Variants in UVRAG observed in about 807,000 individuals in gnomAD.
UVRAG encodes UV radiation resistance-associated gene protein.
Under a neutral mutation model 78.0 loss-of-function variants are expected in UVRAG, and 19 were observed. That is an observed-to-expected ratio of 0.24 (90% CI 0.17 to 0.36). The LOEUF (loss-of-function observed/expected upper bound fraction) is 0.36, where lower values mean the gene tolerates loss of function less well. UVRAG is among the 10% of genes least tolerant of loss of function. The pLI, the probability that UVRAG is intolerant of heterozygous loss-of-function variation, is 1.00. For synonymous variants in UVRAG, 323 were observed against 324.6 expected, an observed-to-expected ratio of 1.00 and a Z score of 0.05; for missense variants, 740 against 853.8, an observed-to-expected ratio of 0.87 and a Z score of 1.66.
chr11:76,076,812 A>G (rs1263212224), intron 13 of UVRAG, among the ~76,000 whole-genome samples: 2 of 150,516 alleles, frequency 1.3e-5, no homozygotes, highest in East Asian at 3.9e-4. Flanking sequence ...GTATTTATTT[A>G]TTTATTTATT....
At chr11:76,022,585 T>C (rs1318074625) in intron 12 of UVRAG, among the ~76,000 whole-genome samples, 1 of 152,230 alleles carries the variant, frequency 6.6e-6, no homozygotes, top group African/African-American at 2.4e-5. Flanking sequence ...GATATTAGTA[T>C]GACCACCCCA....
chr11:76,069,953 C>T (rs1178926613), intron 13 of UVRAG, among the ~76,000 whole-genome samples: 1 of 152,118 alleles, frequency 6.6e-6, no homozygotes, highest in Non-Finnish European at 1.5e-5. Context: ...CATTAGCAAG[C>T]ACAATGCCAG....
chr11:75,851,744 G>A, intron 1 of UVRAG, 139 bp from the exon 2 acceptor site: 2 of 676,840 alleles, frequency 3.0e-6, no homozygotes, highest in Non-Finnish European at 5.2e-6. Context: ...GCATAAATAA[G>A]AGACTGGGTT....
At chr11:76,135,818 G>A (rs2134508444) in intron 14 of UVRAG, among the ~76,000 whole-genome samples, 1 of 152,202 alleles carries the variant, frequency 6.6e-6, no homozygotes, top group African/African-American at 2.4e-5. Flanking sequence ...GAACACACGG[G>A]GCCCCTTGGT....
At chr11:75,818,706 T>C (rs907859232) in intron 1 of UVRAG, among the ~76,000 whole-genome samples, 2 of 152,292 alleles carry the variant, frequency 1.3e-5, no homozygotes, top group African/African-American at 4.8e-5. Context: ...CTGGAACCCC[T>C]GTCCTTGTGA....
chr11:76,104,304 A>G (rs1012781916), intron 13 of UVRAG, among the ~76,000 whole-genome samples: 8 of 152,198 alleles, frequency 5.3e-5, no homozygotes, highest in Admixed American at 5.2e-4. Context: ...CATTATCATC[A>G]TCGTTCTTAA....
At chr11:75,988,282 C>G (rs1159235526) in intron 8 of UVRAG, among the ~76,000 whole-genome samples, 2 of 152,326 alleles carry the variant, frequency 1.3e-5, no homozygotes, top group East Asian at 3.9e-4. Flanking sequence ...GTTCTTTCCT[C>G]CATCGTTTGA....
intron 6 of UVRAG, among the ~76,000 whole-genome samples, chr11:75,950,129 AT>A (rs1203241516): frequency 3.5e-4 from 53 of 152,294 alleles, no homozygotes; most frequent in African/African-American, 1.2e-3. Flanking sequence ...CTATGAATAT[AT>A]TACAGTTTGC....
chr11:76,088,487 C>T (rs1951634157), intron 13 of UVRAG, among the ~76,000 whole-genome samples: 1 of 150,704 alleles, frequency 6.6e-6, no homozygotes, highest in Non-Finnish European at 1.5e-5. Context: ...CACTTCCGCC[C>T]ACCCGCGCCC....
At chr11:75,827,068 A>C (rs985864566) in intron 1 of UVRAG, among the ~76,000 whole-genome samples, 1 of 152,350 alleles carries the variant, frequency 6.6e-6, no homozygotes, top group East Asian at 1.9e-4. Flanking sequence ...GAACACCAGG[A>C]AGCTGAAACT....
intron 1 of UVRAG, among the ~76,000 whole-genome samples, chr11:75,842,064 A>C (rs1945924782): frequency 6.6e-6 from 1 of 152,204 alleles, no homozygotes; most frequent in African/African-American, 2.4e-5. Context: ...TATGAAGCCC[A>C]TGTGACTGGT....
intron 13 of UVRAG, among the ~76,000 whole-genome samples, chr11:76,113,925 T>A (rs903149119): frequency 6.6e-6 from 1 of 150,912 alleles, no homozygotes; most frequent in African/African-American, 2.5e-5. Context: ...CACATTTTTC[T>A]TTTTTTTGGT....
At chr11:76,087,546 G>A (rs1188150812) in intron 13 of UVRAG, among the ~76,000 whole-genome samples, 1 of 152,124 alleles carries the variant, frequency 6.6e-6, no homozygotes, top group African/African-American at 2.4e-5. Flanking sequence ...ATAGCATGAG[G>A]ACTGTAATAT....
At chr11:75,908,906 A>G (rs945575188) in intron 5 of UVRAG, among the ~76,000 whole-genome samples, 2 of 151,928 alleles carry the variant, frequency 1.3e-5, no homozygotes, top group Non-Finnish European at 2.9e-5. Flanking sequence ...TGTCTACATT[A>G]TCTGATTTGC....
intron 6 of UVRAG, among the ~76,000 whole-genome samples, chr11:75,948,755 G>A (rs563496879): frequency 6.6e-6 from 1 of 152,138 alleles, no homozygotes; most frequent in East Asian, 1.9e-4. Flanking sequence ...AACTGTGTAG[G>A]CAACCACACA....
At chr11:75,907,914 T>C (rs1368199131) in intron 5 of UVRAG, among the ~76,000 whole-genome samples, 4 of 152,142 alleles carry the variant, frequency 2.6e-5, no homozygotes, top group African/African-American at 9.7e-5. Flanking sequence ...TGTGGTAAAT[T>C]ACAAATACAC....
At chr11:75,955,007 T>G (rs78689074) in intron 6 of UVRAG, among the ~76,000 whole-genome samples, 3,684 of 152,268 alleles carry the variant, frequency 0.024, 145 homozygotes, top group African/African-American at 0.084. Flanking sequence ...ACAGAAGGAA[T>G]AAATTATAAG....
chr11:75,867,306 T>C (rs1294806035), intron 3 of UVRAG, among the ~76,000 whole-genome samples: 1 of 152,196 alleles, frequency 6.6e-6, no homozygotes, highest in East Asian at 1.9e-4. Flanking sequence ...AAAAGCCCTC[T>C]CCTCCCCTCT....
chr11:75,815,328 G>T lies in UVRAG; in HGVS notation c.-80G>T. ...GGTGGCGGGTTTCTAGGCTGCAGGGGCTTGGTAGGTGGTGGCAAGGGGGCG... is the reference window on the plus strand; with the variant it reads ...GGTGGCGGGTTTCTAGGCTGCAGGGTCTTGGTAGGTGGTGGCAAGGGGGCG... On this transcript the variant is annotated 5_prime_UTR_variant, in exon 1 of 15. Coordinates refer to ENST00000356136, the MANE Select transcript of UVRAG (RefSeq NM_003369.4). 1.3e-6 allele frequency: 1 copy of T among 742,746 alleles called. No individual in the cohort carries two copies. The highest frequency in any genetic ancestry group is 1.9e-6 in the Non-Finnish European group (1 of 534,826). 46.0% of individuals were successfully genotyped at this position (742,746 alleles called of 1,614,324 possible). A position where few individuals can be genotyped will look rare whatever the true frequency, so the allele number is the denominator to read the frequency against.
Sources: allele counts gnomAD v4.1 joint callset (sites outside exome capture counted in the v4.1 genomes callset), GRCh38; gene constraint gnomAD v4.1.1; transcripts MANE v1.5; gene names NCBI Gene and HGNC (gene_info 2026-07-23, HGNC 2026-07-21).